Variants in EHBP1 observed in about 807,000 individuals in gnomAD.
The protein encoded by EHBP1 is EH domain binding protein 1.
EHBP1 carries 55 observed loss-of-function variants against 144.0 expected under a neutral mutation model. The observed-to-expected ratio is 0.38, with a 90% confidence interval of 0.31 to 0.48. The LOEUF is 0.48. Ranked by LOEUF, EHBP1 falls within the 20% of genes least tolerant of loss-of-function variation. The pLI, the probability that EHBP1 is intolerant of heterozygous loss-of-function variation, is 0.98. For synonymous variants in EHBP1, 469 were observed against 472.7 expected (o/e 0.99, Z 0.10); for missense variants, 1,200 against 1,364.2 (o/e 0.88, Z 1.90).
At chr2:62,942,148 G>C (rs777304359) in intron 10 of EHBP1, among the ~76,000 whole-genome samples, 3 of 152,036 alleles carry the variant, frequency 2.0e-5, no homozygotes, top group Non-Finnish European at 4.4e-5. Flanking sequence ...CCTGACTGTT[G>C]CTAATAACTC....
intron 9 of EHBP1, among the ~76,000 whole-genome samples, chr2:62,866,483 C>T (rs1222705732): frequency 1.3e-5 from 2 of 152,076 alleles, no homozygotes; most frequent in East Asian, 1.9e-4. Context: ...GGTAAAATAA[C>T]TTTTATAAAT....
At chr2:63,036,116 C>T (rs192781268) in intron 19 of EHBP1, among the ~76,000 whole-genome samples, 270 of 152,156 alleles carry the variant, frequency 1.8e-3, no homozygotes, top group South Asian at 6.0e-3. Context: ...TAATCCCTTA[C>T]ACACAGATTA....
At chr2:62,693,023 C>T (rs1395286294) in intron 1 of EHBP1, among the ~76,000 whole-genome samples, 4 of 152,036 alleles carry the variant, frequency 2.6e-5, no homozygotes, top group Non-Finnish European at 5.9e-5. Flanking sequence ...TCCCCTACTA[C>T]CCTTCCCAGC....
chr2:63,004,421 A>G (rs927011822), intron 19 of EHBP1, among the ~76,000 whole-genome samples: 1 of 152,080 alleles, frequency 6.6e-6, no homozygotes, highest in Non-Finnish European at 1.5e-5. Flanking sequence ...CCTCTTCTCT[A>G]TCATGATCCT....
Position 63,042,467 on chromosome 2 carries a change from T to C in EHBP1, c.3278-2599T>C, listed in dbSNP as rs1234660993. On this transcript the variant is annotated intron_variant, in intron 21 of 22. Transcript: ENST00000431489. The stretch of plus-strand genomic sequence containing the variant: ...AGTTGACTAATATTTTGTAGACAGA[T>C]ATTAATGTAGCACTGTAATGACAGA... Among the ~76,000 whole-genome samples, 3 of 152,222 alleles carry C rather than the reference T, an allele frequency of 2.0e-5. No individual in the cohort carries two copies. The East Asian group carries it at 5.8e-4, about 29-fold the overall frequency.
intron 5 of EHBP1, among the ~76,000 whole-genome samples, chr2:62,825,653 C>G (rs2046294435): frequency 6.6e-6 from 1 of 151,094 alleles, no homozygotes; most frequent in Non-Finnish European, 1.5e-5. Context: ...GCTGGAAGTT[C>G]TATAAATAAT....
intron 21 of EHBP1, among the ~76,000 whole-genome samples, chr2:63,040,912 C>G (rs2061633652): frequency 2.0e-5 from 3 of 152,198 alleles, no homozygotes; most frequent in African/African-American, 7.2e-5. Context: ...TAAGTGTTAA[C>G]ACACCACAGA....
chr2:62,805,902 G>A (rs902894747), intron 5 of EHBP1, among the ~76,000 whole-genome samples: 1 of 152,096 alleles, frequency 6.6e-6, no homozygotes, highest in Non-Finnish European at 1.5e-5. Context: ...TCTTTCAGTT[G>A]CTGCATTTAG....
At chr2:62,692,031 A>G (rs923313318) in intron 1 of EHBP1, among the ~76,000 whole-genome samples, 9 of 152,204 alleles carry the variant, frequency 5.9e-5, no homozygotes, top group African/African-American at 1.9e-4. Flanking sequence ...CGCTTCAAAA[A>G]GAAGCCAATA....
rs1043651082 is a variant in EHBP1 at position 62,689,185 on chromosome 2, T to C, written c.-296+15102T>C. On this transcript the variant is annotated intron_variant, in intron 1 of 22. Transcript: ENST00000405015. ...CAATAACTCAAGTCAGTTGGTCTGATTGAAACACAGAAACTTCAGTGCCTC... is the reference window on the plus strand; with the variant it reads ...CAATAACTCAAGTCAGTTGGTCTGACTGAAACACAGAAACTTCAGTGCCTC... 1.2e-4 allele frequency among the ~76,000 whole-genome samples: 19 copies of C among 152,302 alleles called. No homozygotes were observed. The East Asian group carries it at 2.1e-3, about 17-fold the overall frequency.
intron 10 of EHBP1, among the ~76,000 whole-genome samples, chr2:62,933,805 T>C (rs2056181652): frequency 6.6e-6 from 1 of 152,196 alleles, no homozygotes; most frequent in South Asian, 2.1e-4. Context: ...CCCTAAACAA[T>C]ATGGTTTACT....
chr2:62,698,674 T>C (rs1272937192), intron 1 of EHBP1, among the ~76,000 whole-genome samples: 1 of 152,222 alleles, frequency 6.6e-6, no homozygotes, highest in Non-Finnish European at 1.5e-5. Flanking sequence ...TCATCTTTGC[T>C]TCCCAGGCTA....
At chr2:62,784,524 G>T (rs1266434589) in intron 5 of EHBP1, among the ~76,000 whole-genome samples, 2 of 152,166 alleles carry the variant, frequency 1.3e-5, no homozygotes, top group African/African-American at 4.8e-5. Flanking sequence ...CAGGTGGCAG[G>T]CCCCTTGAAG....
chr2:62,947,592 G>C (rs1330810131), intron 12 of EHBP1, among the ~76,000 whole-genome samples: 1 of 152,094 alleles, frequency 6.6e-6, no homozygotes, highest in Non-Finnish European at 1.5e-5. Flanking sequence ...TGTAAATTGA[G>C]AAACAGCTTA....
intron 10 of EHBP1, among the ~76,000 whole-genome samples, chr2:62,905,146 A>C (rs2053697094): frequency 6.6e-6 from 1 of 152,120 alleles, no homozygotes; most frequent in South Asian, 2.1e-4. Flanking sequence ...TCCCTAACAG[A>C]ACAAACAGCA....
chr2:62,996,306 G>A (rs1215770089), intron 18 of EHBP1, among the ~76,000 whole-genome samples: 1 of 152,004 alleles, frequency 6.6e-6, no homozygotes, highest in Middle Eastern at 3.2e-3. Flanking sequence ...ATCACAAAGG[G>A]GAAAATTATC....
intron 19 of EHBP1, among the ~76,000 whole-genome samples, chr2:63,030,059 A>G (rs571252473): frequency 4.1e-4 from 62 of 152,260 alleles, no homozygotes; most frequent in African/African-American, 1.4e-3. Context: ...TGTGGATGCA[A>G]TGTTCATCTT....
chr2:62,734,867 T>TA (rs2037966305), intron 2 of EHBP1, among the ~76,000 whole-genome samples: 1 of 152,214 alleles, frequency 6.6e-6, no homozygotes, highest in Non-Finnish European at 1.5e-5. Context: ...GTGCTGCGCT[T>TA]ACAGGCGTGA....
chr2:62,800,589 C>G (rs1253467844), intron 5 of EHBP1, among the ~76,000 whole-genome samples: 1 of 152,166 alleles, frequency 6.6e-6, no homozygotes, highest in Non-Finnish European at 1.5e-5. Flanking sequence ...TGTGAAACAG[C>G]CTAAAACAAG....
Sources: allele counts gnomAD v4.1 joint callset (sites outside exome capture counted in the v4.1 genomes callset), GRCh38; gene constraint gnomAD v4.1.1; transcripts MANE v1.5; gene names NCBI Gene and HGNC (gene_info 2026-07-23, HGNC 2026-07-21).